The following RAD23B variants were observed in gnomAD, a reference collection of about 807,000 sequenced individuals.
The protein encoded by RAD23B is lysine-specific demethylase RAD23B.
A neutral mutation model predicts 49.1 loss-of-function variants in RAD23B; 5 were observed. The ratio of observed to expected loss-of-function variants is 0.10; its 90% CI spans 0.05 to 0.21. The LOEUF (loss-of-function observed/expected upper bound fraction) is 0.21. Ranked by LOEUF, RAD23B falls within the 10% of genes least tolerant of loss-of-function variation. RAD23B has a pLI of 1.00. For synonymous variants in RAD23B, 184 were observed against 165.4 expected, an observed-to-expected ratio of 1.11 and a Z score of -0.86; for missense variants, 356 against 486.7, an observed-to-expected ratio of 0.73 and a Z score of 2.53.
chr9:107,297,706 C>G (rs1206649047), intron 1 of RAD23B, among the ~76,000 whole-genome samples: 1 of 132,088 alleles, frequency 7.6e-6, no homozygotes, highest in Non-Finnish European at 1.6e-5. Context: ...ACTAAAGGGC[C>G]TTTTTTTTTT....
chr9:107,288,317 G>A (rs1833316458), intron 1 of RAD23B, among the ~76,000 whole-genome samples: 1 of 152,196 alleles, frequency 6.6e-6, no homozygotes, highest in Non-Finnish European at 1.5e-5. Context: ...GTGATGGTAT[G>A]TGCATTCTAG....
rs1564243305 is a variant in RAD23B, at chr9:107,300,123, TC to T, written c.67-17del. ...TTATTTAGACTTTTTCCAAAACAAA[TC>T]TTTATTTTTCCTATAGGTGAAAGCA... On this transcript the variant is annotated splice_polypyrimidine_tract_variant and intron_variant, in intron 1 of 9. Coordinates refer to ENST00000358015, the MANE Select transcript of RAD23B (RefSeq NM_002874.5). 1 of 1,588,282 alleles carries T rather than the reference TC, an allele frequency of 6.3e-7. No individual in the cohort carries two copies. Among genetic ancestry groups the T allele is most frequent in the Non-Finnish European group, 8.5e-7 (1 of 1,171,534 alleles).
chr9:107,304,784 A>G (rs1284878548), intron 3 of RAD23B, among the ~76,000 whole-genome samples: 1 of 152,154 alleles, frequency 6.6e-6, no homozygotes, highest in Non-Finnish European at 1.5e-5. Flanking sequence ...TTACACATGT[A>G]CAGTTGACCC....
At chr9:107,326,627 CTTT>C (rs796381629) in intron 9 of RAD23B, among the ~76,000 whole-genome samples, 4 of 67,508 alleles carry the variant, frequency 5.9e-5, no homozygotes, top group African/African-American at 9.5e-5. Context: ...TTTTGTATTT[CTTT>C]TTTTTTTTTT....
chr9:107,297,357 G>T (rs1826549688), intron 1 of RAD23B, among the ~76,000 whole-genome samples: 1 of 151,674 alleles, frequency 6.6e-6, no homozygotes, highest in Non-Finnish European at 1.5e-5. Flanking sequence ...TTTTGTTTTT[G>T]AGACAGAATC....
intron 9 of RAD23B, among the ~76,000 whole-genome samples, 176 bp from the exon 10 acceptor site, chr9:107,329,367 A>G (rs774972565): frequency 7.9e-5 from 12 of 152,220 alleles, no homozygotes; most frequent in Non-Finnish European, 1.8e-4. Flanking sequence ...TTGGGCAGTA[A>G]ATCCATATTG....
intron 1 of RAD23B, among the ~76,000 whole-genome samples, chr9:107,298,174 T>TCA (rs752181317): frequency 1.8e-4 from 28 of 152,248 alleles, no homozygotes; most frequent in Admixed American, 3.9e-4. Context: ...ACCCATGCTC[T>TCA]GCCATCAGTT....
chr9:107,292,188 A>G (rs1833396202), intron 1 of RAD23B, among the ~76,000 whole-genome samples: 1 of 152,248 alleles, frequency 6.6e-6, no homozygotes, highest in African/African-American at 2.4e-5. Context: ...ATAATGTTCA[A>G]ATGAATTTAT....
At chr9:107,298,699 AAAAT>A (rs941066172) in intron 1 of RAD23B, among the ~76,000 whole-genome samples, 8 of 151,308 alleles carry the variant, frequency 5.3e-5, no homozygotes, top group African/African-American at 1.9e-4. Flanking sequence ...TGTTCATTTA[AAAAT>A]AAATATAAAC....
At chr9:107,315,055 AG>A (rs1484860792) in intron 5 of RAD23B, among the ~76,000 whole-genome samples, 1 of 152,122 alleles carries the variant, frequency 6.6e-6, no homozygotes, top group Non-Finnish European at 1.5e-5. Flanking sequence ...TGCCTAAGCC[AG>A]TGTCCAGAAG....
At chr9:107,312,904 CG>C (rs1408339448) in intron 5 of RAD23B, among the ~76,000 whole-genome samples, 1 of 152,062 alleles carries the variant, frequency 6.6e-6, no homozygotes, top group African/African-American at 2.4e-5. Flanking sequence ...CCTGAGTTCC[CG>C]GGAGCCTGGG....
chr9:107,292,406 C>T (rs1401089649), intron 1 of RAD23B, among the ~76,000 whole-genome samples: 3 of 152,114 alleles, frequency 2.0e-5, no homozygotes, highest in Non-Finnish European at 2.9e-5. Context: ...TCAGGCTGAG[C>T]GCCGTGGCTT....
In RAD23B at chr9:107,324,025, A is replaced by T. The variant is rs755900610; in HGVS notation, c.945+8A>T. ...AATCCTCAATTACTTCAGGTGACTA[A>T]TCAGTGTCAGTTTCACAAGTGATTT... On this transcript the variant is annotated splice_region_variant and intron_variant, in intron 8 of 9. Transcript: ENST00000358015. The T allele has an allele frequency of 5.0e-6, 8 of 1,612,812 alleles. No homozygotes were observed. Among genetic ancestry groups the T allele is most frequent in the South Asian group, 2.2e-5 (2 of 91,058 alleles).
In RAD23B at chr9:107,311,817, G is replaced by A. The variant is rs149112239; in HGVS notation, c.553+80G>A. 3.9e-4 allele frequency: 425 copies of A among 1,095,554 alleles called. 1 individual carries two copies. In the African/African-American group the frequency reaches 5.3e-3, roughly 14 times the overall value. The allele number at this position is 1,095,554 out of a possible 1,614,324, so 67.9% of individuals were successfully genotyped here. On this transcript the variant is annotated intron_variant, in intron 5 of 9. Transcript: ENST00000358015. The stretch of plus-strand genomic sequence containing the variant: ...CACTTTTCTAGATCATGATAAAAGT[G>A]TTAATAATTTGCATGGTTGTTTATA...
chr9:107,310,953 G>A (rs1300366271), intron 4 of RAD23B, among the ~76,000 whole-genome samples: 1 of 152,150 alleles, frequency 6.6e-6, no homozygotes, highest in Non-Finnish European at 1.5e-5. Context: ...TTGAGATACA[G>A]GTCTAAGTGT....
chr9:107,313,432 A>C (rs1826929024), intron 5 of RAD23B, among the ~76,000 whole-genome samples: 2 of 152,098 alleles, frequency 1.3e-5, no homozygotes, highest in African/African-American at 4.8e-5. Flanking sequence ...TCACCCTGCT[A>C]GCCAGGATGG....
intron 5 of RAD23B, among the ~76,000 whole-genome samples, chr9:107,315,939 G>T (rs1164747664): frequency 1.3e-5 from 2 of 152,068 alleles, no homozygotes; most frequent in Non-Finnish European, 2.9e-5. Context: ...GAGTCATAGT[G>T]TAATGATTAG....
chr9:107,309,659 TG>T (rs1454658679), intron 4 of RAD23B, among the ~76,000 whole-genome samples: 2 of 152,100 alleles, frequency 1.3e-5, no homozygotes, highest in African/African-American at 4.8e-5. Flanking sequence ...GGGCCGGGCG[TG>T]GTGGCTCACG....
intron 5 of RAD23B, among the ~76,000 whole-genome samples, 163 bp downstream of exon 5, chr9:107,311,900 CTT>C (rs931055868): frequency 1.3e-5 from 2 of 152,132 alleles, no homozygotes; most frequent in Non-Finnish European, 2.9e-5. Context: ...TTACTAAAGA[CTT>C]TTAATGTTTA....
Sources: allele counts gnomAD v4.1 joint callset (sites outside exome capture counted in the v4.1 genomes callset), GRCh38; gene constraint gnomAD v4.1.1; transcripts MANE v1.5; gene names NCBI Gene and HGNC (gene_info 2026-07-23, HGNC 2026-07-21).